Variants in LRP1B observed in about 807,000 individuals in gnomAD.
LRP1B encodes LDL receptor related protein 1B.
Under a neutral mutation model 556.6 loss-of-function variants are expected in LRP1B, and 217 were observed. That is an observed-to-expected ratio of 0.39 (90% confidence interval 0.35 to 0.44). The LOEUF is 0.44. Ranked by LOEUF, LRP1B falls within the 20% of genes least tolerant of loss-of-function variation. LRP1B has a pLI of 1.00. For missense variants in LRP1B, 5,053 were observed against 5,620.8 expected (o/e 0.90, Z 3.23); for synonymous variants, 2,047 against 1,865.8 (o/e 1.10, Z -2.50).
At chr2:140,728,245 T>C (rs76186742) in intron 35 of LRP1B, among the ~76,000 whole-genome samples, 4,369 of 152,240 alleles carry the variant, frequency 0.029, 74 homozygotes, top group Middle Eastern at 0.054. Context: ...AATAACTGTT[T>C]TTAGTCTTCA....
rs111309147 is a variant in LRP1B at position 141,510,243 on chromosome 2, A to C, written c.206-29710T>G. 6.9e-3 allele frequency among the ~76,000 whole-genome samples: 854 copies of C among 123,726 alleles called. 17 individuals carry two copies. Among genetic ancestry groups the C allele is most frequent in the African/African-American group, 0.025 (818 of 32,574 alleles). The allele number at this position is 123,726 out of a possible 152,430, so 81.2% of individuals were successfully genotyped here. On this transcript the variant is annotated intron_variant, in intron 2 of 90. Transcript: ENST00000389484. ...ACACACACACACACACACCCCCCAC[A>C]GTCATTTGATGATATTTCTATATAT...
chr2:141,513,586 A>G (rs974751218), intron 2 of LRP1B, among the ~76,000 whole-genome samples: 6 of 152,174 alleles, frequency 3.9e-5, no homozygotes, highest in Non-Finnish European at 5.9e-5. Context: ...TTTATTTAAT[A>G]TCTGCATTTT....
intron 3 of LRP1B, among the ~76,000 whole-genome samples, chr2:141,392,676 T>C (rs1220417637): frequency 6.6e-6 from 1 of 152,118 alleles, no homozygotes; most frequent in Non-Finnish European, 1.5e-5. Context: ...TTTGAGACTG[T>C]CTTTAATCTC....
intron 32 of LRP1B, among the ~76,000 whole-genome samples, chr2:140,785,161 T>G (rs1485941069): frequency 2.6e-5 from 4 of 152,150 alleles, no homozygotes; most frequent in African/African-American, 9.7e-5. Flanking sequence ...CTGAAAAGAT[T>G]TGATACCAAA....
intron 7 of LRP1B, among the ~76,000 whole-genome samples, chr2:141,109,402 T>C (rs1452141584): frequency 6.6e-6 from 1 of 152,014 alleles, no homozygotes; most frequent in Non-Finnish European, 1.5e-5. Flanking sequence ...GCAGTTACAC[T>C]TCCCCAGTCT....
At chr2:141,223,301 A>C (rs1437714680) in intron 6 of LRP1B, among the ~76,000 whole-genome samples, 1 of 152,228 alleles carries the variant, frequency 6.6e-6, no homozygotes, top group East Asian at 1.9e-4. Context: ...TACAGAAAGA[A>C]TAAAACACCT....
intron 29 of LRP1B, among the ~76,000 whole-genome samples, chr2:140,841,374 GGC>G (rs1189992220): frequency 1.3e-5 from 2 of 152,078 alleles, no homozygotes; most frequent in Admixed American, 1.3e-4. Flanking sequence ...AGCAAACACA[GGC>G]AGCAGTCTTA....
chr2:141,008,687 T>C (rs1358962643), intron 14 of LRP1B, among the ~76,000 whole-genome samples: 2 of 152,038 alleles, frequency 1.3e-5, no homozygotes, highest in African/African-American at 4.8e-5. Flanking sequence ...CCCAATCTTG[T>C]ATCTTCCAGA....
At chr2:140,847,904 GAATAGAGTCTGCTA>G (rs1185380904) in intron 29 of LRP1B, among the ~76,000 whole-genome samples, 1 of 152,066 alleles carries the variant, frequency 6.6e-6, no homozygotes, top group Non-Finnish European at 1.5e-5. Flanking sequence ...TGATAATTGT[GAATAGAGTCTGCTA>G]AATAGAAGTA....
intron 2 of LRP1B, among the ~76,000 whole-genome samples, chr2:141,620,615 G>T (rs1688473231): frequency 6.6e-6 from 1 of 152,066 alleles, no homozygotes; most frequent in Admixed American, 6.5e-5. Flanking sequence ...TCATAAATAT[G>T]TTGAATATGT....
At chr2:141,664,185 A>G (rs1690334262) in intron 2 of LRP1B, among the ~76,000 whole-genome samples, 1 of 152,204 alleles carries the variant, frequency 6.6e-6, no homozygotes, top group South Asian at 2.1e-4. Flanking sequence ...ATAAAATTCA[A>G]TGTCCCTTCA....
At chr2:141,403,721 C>CA (rs1418137367) in intron 3 of LRP1B, among the ~76,000 whole-genome samples, 31 of 152,088 alleles carry the variant, frequency 2.0e-4, no homozygotes, top group Admixed American at 1.2e-3. Context: ...GTAATTTTTA[C>CA]AAAAACATAT....
chr2:141,382,518 T>A (rs1689679188), intron 3 of LRP1B, among the ~76,000 whole-genome samples: 1 of 152,202 alleles, frequency 6.6e-6, no homozygotes, highest in Non-Finnish European at 1.5e-5. Flanking sequence ...CTAGTCTCTC[T>A]TACTGAAGTC....
At chr2:140,294,174 CAA>C (rs1683509664) in intron 84 of LRP1B, among the ~76,000 whole-genome samples, 1 of 151,742 alleles carries the variant, frequency 6.6e-6, no homozygotes, top group Non-Finnish European at 1.5e-5. Flanking sequence ...AAGATAAAAA[CAA>C]GAGGGGAAAA....
intron 1 of LRP1B, among the ~76,000 whole-genome samples, chr2:141,909,069 G>A (rs924379413): frequency 6.6e-6 from 1 of 152,056 alleles, no homozygotes; most frequent in African/African-American, 2.4e-5. Flanking sequence ...AGACTTCACT[G>A]ATCCAAAGGG....
rs35775292 is a variant in LRP1B, at chr2:140,691,488, CAA to C, written c.6799+8760_6799+8761del. Among the ~76,000 whole-genome samples, 734 of 92,718 alleles carry C rather than the reference CAA, an allele frequency of 7.9e-3. 22 individuals are homozygous for C. Among genetic ancestry groups the C allele is most frequent in the Admixed American group, 0.072 (633 of 8,798 alleles). 60.8% of individuals were successfully genotyped at this position (92,718 alleles called of 152,430 possible). The stretch of plus-strand genomic sequence containing the variant: ...GGCAACGAGAGCAAAAACTCCACCT[CAA>C]AAAAAAAAAAAAAAAGTGAAGTATT... On this transcript the variant is annotated intron_variant, in intron 41 of 90. Coordinates refer to ENST00000389484, the MANE Select transcript of LRP1B (RefSeq NM_018557.3).
intron 5 of LRP1B, among the ~76,000 whole-genome samples, chr2:141,238,726 G>A (rs116778234): frequency 0.017 from 2,602 of 152,180 alleles, 58 homozygotes; most frequent in African/African-American, 0.051. Flanking sequence ...ATCTAATTCA[G>A]AATGTATTTA....
chr2:140,258,819 T>A (rs1681809458), intron 86 of LRP1B, among the ~76,000 whole-genome samples: 1 of 152,154 alleles, frequency 6.6e-6, no homozygotes, highest in Non-Finnish European at 1.5e-5. Flanking sequence ...TACTGTTTTT[T>A]GTGCCTTGTT....
chr2:141,395,629 T>C (rs1690214945), intron 3 of LRP1B, among the ~76,000 whole-genome samples: 1 of 152,134 alleles, frequency 6.6e-6, no homozygotes, highest in Admixed American at 6.5e-5. Flanking sequence ...TCATTAATTG[T>C]GTAGTGTGGG....
Sources: gnomAD v4.1 joint callset for allele counts (sites outside exome capture counted in the v4.1 genomes callset) on GRCh38, gnomAD v4.1.1 for gene constraint, MANE v1.5 for transcripts, NCBI Gene and HGNC (gene_info 2026-07-23, HGNC 2026-07-21) for gene names.